Variants in RARB observed in about 807,000 individuals in gnomAD.
RARB encodes retinoic acid receptor beta.
Under a neutral mutation model 51.9 loss-of-function variants are expected in RARB, and 17 were observed. The ratio of observed to expected loss-of-function variants is 0.33; its 90% CI spans 0.22 to 0.49. The LOEUF is 0.49. RARB is among the 20% of genes least tolerant of loss of function. The pLI, the probability that RARB is intolerant of heterozygous loss-of-function variation, is 0.99. For synonymous variants in RARB, 215 were observed against 195.4 expected (o/e 1.10, Z -0.84); for missense variants, 369 against 550.8 (o/e 0.67, Z 3.30).
chr3:25,363,259 TG>T (rs1706009210), intron 5 of RARB, among the ~76,000 whole-genome samples: 1 of 152,120 alleles, frequency 6.6e-6, no homozygotes, highest in Non-Finnish European at 1.5e-5. Flanking sequence ...ACGTAGGCTG[TG>T]GGGCTAGTCT....
At chr3:25,595,513 G>A (rs970909360) in intron 7 of RARB, among the ~76,000 whole-genome samples, 1 of 152,220 alleles carries the variant, frequency 6.6e-6, no homozygotes, top group African/African-American at 2.4e-5. Context: ...GCAGATACCA[G>A]TGTGGTTGTG....
At chr3:25,511,347 G>A (rs1228965609) in intron 3 of RARB, among the ~76,000 whole-genome samples, 3 of 152,014 alleles carry the variant, frequency 2.0e-5, no homozygotes, top group African/African-American at 7.3e-5. Context: ...TAGCCAGGAT[G>A]GTCTCAATCT....
intron 2 of RARB, among the ~76,000 whole-genome samples, chr3:25,059,252 C>G (rs1451111102): frequency 1.3e-5 from 2 of 151,658 alleles, no homozygotes; most frequent in Non-Finnish European, 3.0e-5. Context: ...TCCAGTTTTT[C>G]ATTTTTATAA....
chr3:25,506,658 C>T (rs1697617137), intron 3 of RARB, among the ~76,000 whole-genome samples: 1 of 152,254 alleles, frequency 6.6e-6, no homozygotes, highest in Non-Finnish European at 1.5e-5. Flanking sequence ...TTACTTAACT[C>T]TGCCATTATA....
intron 4 of RARB, among the ~76,000 whole-genome samples, chr3:25,167,116 C>T (rs1032498207): frequency 2.0e-5 from 3 of 152,174 alleles, no homozygotes; most frequent in Admixed American, 1.3e-4. Flanking sequence ...ACCGTTTCCT[C>T]ATAGTTAAAA....
intron 3 of RARB, among the ~76,000 whole-genome samples, chr3:25,095,020 A>C (rs1230414960): frequency 1.3e-5 from 2 of 152,204 alleles, no homozygotes; most frequent in Non-Finnish European, 2.9e-5. Flanking sequence ...GAATTCTCTC[A>C]AGGTCACAGT....
At chr3:24,922,587 G>C (rs916644834) in intron 2 of RARB, among the ~76,000 whole-genome samples, 1 of 152,162 alleles carries the variant, frequency 6.6e-6, no homozygotes, top group Admixed American at 6.5e-5. Flanking sequence ...GGGATATACA[G>C]ACAAGGAATG....
At chr3:25,157,349 T>TG (rs1491344718) in intron 4 of RARB, among the ~76,000 whole-genome samples, 17 of 91,570 alleles carry the variant, frequency 1.9e-4, no homozygotes, top group Middle Eastern at 4.4e-3. Context: ...AGTGTGTGTG[T>TG]TTGTGTGTGT....
At chr3:25,583,531 T>G (rs1026275873) in intron 5 of RARB, among the ~76,000 whole-genome samples, 1 of 152,248 alleles carries the variant, frequency 6.6e-6, no homozygotes, top group Non-Finnish European at 1.5e-5. Flanking sequence ...GCTGGCACTT[T>G]CACAGGAAGA....
chr3:25,319,775 G>A (rs1575309203), intron 5 of RARB, among the ~76,000 whole-genome samples: 1 of 152,164 alleles, frequency 6.6e-6, no homozygotes, highest in South Asian at 2.1e-4. Context: ...ATCCAGAAAG[G>A]AGAGATATTC....
intron 5 of RARB, among the ~76,000 whole-genome samples, chr3:25,306,064 G>A (rs322688): frequency 0.21 from 31,505 of 151,998 alleles, 3,666 homozygotes; most frequent in South Asian, 0.43. Context: ...CCTGTCCTCC[G>A]CTGTATTATA....
chr3:25,333,141 A>G (rs1471861746), intron 5 of RARB, among the ~76,000 whole-genome samples: 6 of 152,188 alleles, frequency 3.9e-5, no homozygotes, highest in African/African-American at 1.4e-4. Context: ...CCATCAAGCT[A>G]CCAATGACTT....
At chr3:24,994,134 G>T (rs904899005) in intron 2 of RARB, among the ~76,000 whole-genome samples, 3 of 151,974 alleles carry the variant, frequency 2.0e-5, no homozygotes, top group Non-Finnish European at 4.4e-5. Context: ...GGTGTGTAAG[G>T]CTTCTCTTTT....
At chr3:24,978,616 T>A (rs576089990) in intron 2 of RARB, among the ~76,000 whole-genome samples, 24 of 152,190 alleles carry the variant, frequency 1.6e-4, no homozygotes, top group Admixed American at 1.6e-3. Flanking sequence ...TTTATGATTT[T>A]TTTATTGCGT....
At chr3:25,235,040 T>C (rs1194256770) in intron 5 of RARB, among the ~76,000 whole-genome samples, 1 of 152,184 alleles carries the variant, frequency 6.6e-6, no homozygotes, top group Non-Finnish European at 1.5e-5. Context: ...TTTTTGGATC[T>C]CTGGCCAGAA....
At chr3:25,089,529 G>T (rs891491095) in intron 3 of RARB, among the ~76,000 whole-genome samples, 1 of 152,056 alleles carries the variant, frequency 6.6e-6, no homozygotes, top group South Asian at 2.1e-4. Context: ...TTGAAATACG[G>T]TTTGATATCA....
rs921390844 is a variant in RARB at position 25,370,871 on chromosome 3, C to T, written c.179-90322C>T. On this transcript the variant is annotated intron_variant, in intron 5 of 11. Coordinates refer to the RARB transcript ENST00000383772. ...AGTAGAGTTGCACTCACTCCAGAGT[C>T]TCTAGGAGAGAAACTTTCCTTTCCT... Among the ~76,000 whole-genome samples the T allele has an allele frequency of 1.6e-4, 24 of 152,214 alleles. 1 individual carries two copies. The highest frequency in any genetic ancestry group is 1.3e-4 in the Admixed American group (2 of 15,280).
chr3:25,541,353 T>C (rs1185836833), intron 3 of RARB, among the ~76,000 whole-genome samples: 1 of 152,204 alleles, frequency 6.6e-6, no homozygotes, highest in African/African-American at 2.4e-5. Flanking sequence ...TCCTTCTCTC[T>C]CTCAGTCTTT....
At chr3:25,517,439 T>A (rs1275518569) in intron 3 of RARB, among the ~76,000 whole-genome samples, 1 of 152,170 alleles carries the variant, frequency 6.6e-6, no homozygotes, top group Non-Finnish European at 1.5e-5. Flanking sequence ...AAAACCATGA[T>A]GAGATGCTGC....
Sources: gnomAD v4.1 joint callset for allele counts (sites outside exome capture counted in the v4.1 genomes callset) on GRCh38, gnomAD v4.1.1 for gene constraint, MANE v1.5 for transcripts, NCBI Gene and HGNC (gene_info 2026-07-23, HGNC 2026-07-21) for gene names.